ST6GALNAC3: variants seen among roughly 807,000 people sequenced by gnomAD.
ST6GALNAC3 encodes alpha-N-acetylgalactosaminide alpha-2,6-sialyltransferase 3.
Under a neutral mutation model 32.7 loss-of-function variants are expected in ST6GALNAC3, and 25 were observed. The observed-to-expected ratio is 0.76, with a 90% confidence interval of 0.56 to 1.07. The LOEUF (loss-of-function observed/expected upper bound fraction) is 1.07. Among genes scored for constraint, ST6GALNAC3 ranks in the 50% least tolerant of loss-of-function variants. The pLI, the probability that ST6GALNAC3 is intolerant of heterozygous loss-of-function variation, is 0.00. For missense variants in ST6GALNAC3, 355 were observed against 382.4 expected (o/e 0.93, Z 0.60); for synonymous variants, 129 against 133.1 (o/e 0.97, Z 0.21).
intron 3 of ST6GALNAC3, among the ~76,000 whole-genome samples, chr1:76,585,454 T>G (rs1369634895): frequency 6.6e-6 from 1 of 151,500 alleles, no homozygotes; most frequent in Non-Finnish European, 1.5e-5. Flanking sequence ...AGAAACATGT[T>G]AGGCATAAGA....
chr1:76,075,353 A>G (rs1646800048), intron 1 of ST6GALNAC3, among the ~76,000 whole-genome samples: 2 of 151,462 alleles, frequency 1.3e-5, no homozygotes, highest in Non-Finnish European at 2.9e-5. Context: ...ATGTGAAGAC[A>G]GAAACTTCTG....
chr1:76,266,995 C>G (rs1658567870), intron 1 of ST6GALNAC3, among the ~76,000 whole-genome samples: 1 of 152,174 alleles, frequency 6.6e-6, no homozygotes, highest in African/African-American at 2.4e-5. Flanking sequence ...GGAGTGAAAA[C>G]ACTAGAAGCA....
chr1:76,303,387 G>A (rs1173219262), intron 1 of ST6GALNAC3, among the ~76,000 whole-genome samples: 2 of 151,992 alleles, frequency 1.3e-5, no homozygotes, highest in African/African-American at 2.4e-5. Context: ...TGGAAAGTTA[G>A]GGTTTTTCTT....
chr1:76,113,969 C>T (rs1275962031), intron 1 of ST6GALNAC3, among the ~76,000 whole-genome samples: 4 of 150,482 alleles, frequency 2.7e-5, no homozygotes, highest in African/African-American at 4.9e-5. Flanking sequence ...GGATTACAGG[C>T]GCCTGCCACC....
intron 1 of ST6GALNAC3, among the ~76,000 whole-genome samples, chr1:76,279,178 CA>C (rs1659356191): frequency 6.6e-6 from 1 of 152,176 alleles, no homozygotes; most frequent in Non-Finnish European, 1.5e-5. Flanking sequence ...CACACACAGC[CA>C]GGCAGGGGAA....
At chr1:76,384,175 G>C (rs12040892) in intron 2 of ST6GALNAC3, among the ~76,000 whole-genome samples, 44,100 of 151,860 alleles carry the variant, frequency 0.29, 7,769 homozygotes, top group East Asian at 0.62. Flanking sequence ...GCACAGAAAG[G>C]TTAAAAATAA....
intron 1 of ST6GALNAC3, among the ~76,000 whole-genome samples, chr1:76,176,803 GTTA>G (rs1178885266): frequency 6.6e-6 from 1 of 152,220 alleles, no homozygotes; most frequent in Non-Finnish European, 1.5e-5. Context: ...GGAATGGAAA[GTTA>G]TTGTTTTATG....
At chr1:76,614,754 A>G (rs1648180390) in intron 3 of ST6GALNAC3, among the ~76,000 whole-genome samples, 1 of 143,942 alleles carries the variant, frequency 6.9e-6, no homozygotes, top group Non-Finnish European at 1.5e-5. Context: ...AAAAAAAAAA[A>G]TTAATAAATA....
In ST6GALNAC3 at chr1:76,271,442, C is replaced by T. The variant is rs143393316; in HGVS notation, c.19-42363C>T. On this transcript the variant is annotated intron_variant, in intron 1 of 4. Transcript: ENST00000328299. ...CCAGGTTGTATTTTAGACACTAGGG[C>T]TATAGTAACCACTAAGCAAAATGCA... 1.9e-3 allele frequency among the ~76,000 whole-genome samples: 289 copies of T among 152,286 alleles called. 2 individuals carry two copies. Among genetic ancestry groups the T allele is most frequent in the African/African-American group, 6.6e-3 (276 of 41,566 alleles).
At chr1:76,220,223 A>G (rs1033317137) in intron 1 of ST6GALNAC3, among the ~76,000 whole-genome samples, 1 of 152,164 alleles carries the variant, frequency 6.6e-6, no homozygotes, top group African/African-American at 2.4e-5. Context: ...CTGCAATGTA[A>G]CAGTCTGCTT....
intron 3 of ST6GALNAC3, among the ~76,000 whole-genome samples, chr1:76,415,897 G>A (rs976112063): frequency 6.6e-6 from 1 of 151,866 alleles, no homozygotes; most frequent in African/African-American, 2.4e-5. Context: ...AGTTCAAACC[G>A]AAACTTTCAA....
At chr1:76,172,007 C>A (rs1309342405) in intron 1 of ST6GALNAC3, among the ~76,000 whole-genome samples, 2 of 152,042 alleles carry the variant, frequency 1.3e-5, no homozygotes. Flanking sequence ...CATCCTGATA[C>A]CAAAACTGGG....
At chr1:76,327,275 C>CGCGT (rs1647092625) in intron 2 of ST6GALNAC3, among the ~76,000 whole-genome samples, 1 of 138,664 alleles carries the variant, frequency 7.2e-6, no homozygotes, top group East Asian at 2.2e-4. Context: ...TGTATATATG[C>CGCGT]GTGTGTGTGT....
At chr1:76,258,254 T>C (rs1174082065) in intron 1 of ST6GALNAC3, among the ~76,000 whole-genome samples, 1 of 152,214 alleles carries the variant, frequency 6.6e-6, no homozygotes, top group Non-Finnish European at 1.5e-5. Context: ...TTAATTTTTT[T>C]GAAGAAGACG....
intron 2 of ST6GALNAC3, among the ~76,000 whole-genome samples, chr1:76,360,005 G>A (rs1649799665): frequency 6.6e-6 from 1 of 152,130 alleles, no homozygotes; most frequent in Non-Finnish European, 1.5e-5. Flanking sequence ...TTTTTCCACA[G>A]TCGCTTTGAT....
At chr1:76,391,579 T>G (rs1652563310) in intron 2 of ST6GALNAC3, among the ~76,000 whole-genome samples, 1 of 135,056 alleles carries the variant, frequency 7.4e-6, no homozygotes. Context: ...TTCCTCCCAC[T>G]TCCCTTTCAC....
At chr1:76,247,935 C>A (rs1280426336) in intron 1 of ST6GALNAC3, among the ~76,000 whole-genome samples, 1 of 151,938 alleles carries the variant, frequency 6.6e-6, no homozygotes, top group Non-Finnish European at 1.5e-5. Flanking sequence ...GTGCCTGAAA[C>A]CCAGGGCCCT....
At chr1:76,198,518 A>T (rs183695088) in intron 1 of ST6GALNAC3, among the ~76,000 whole-genome samples, 1 of 152,348 alleles carries the variant, frequency 6.6e-6, no homozygotes, top group Admixed American at 6.5e-5. Context: ...TATCTAAAGA[A>T]GTGGCTGTAG....
intron 2 of ST6GALNAC3, among the ~76,000 whole-genome samples, chr1:76,398,059 A>C (rs1026495924): frequency 6.6e-6 from 1 of 152,162 alleles, no homozygotes; most frequent in Non-Finnish European, 1.5e-5. Context: ...ATTAGTGGAC[A>C]TTCTTATTTT....
Sources: gnomAD v4.1 joint callset for allele counts (sites outside exome capture counted in the v4.1 genomes callset) on GRCh38, gnomAD v4.1.1 for gene constraint, MANE v1.5 for transcripts, NCBI Gene and HGNC (gene_info 2026-07-23, HGNC 2026-07-21) for gene names.